AHR: variants seen among roughly 807,000 people sequenced by gnomAD.
The protein encoded by AHR is aryl hydrocarbon receptor.
Under a neutral mutation model 86.8 loss-of-function variants are expected in AHR, and 40 were observed. That is an observed-to-expected ratio of 0.46 (90% CI 0.36 to 0.60). The LOEUF (loss-of-function observed/expected upper bound fraction) is 0.60. Among genes scored for constraint, AHR ranks in the 20% least tolerant of loss-of-function variants. The pLI, the probability that AHR is intolerant of heterozygous loss-of-function variation, is 0.00. For missense variants in AHR, 1,001 were observed against 1,011.6 expected, an observed-to-expected ratio of 0.99 and a Z score of 0.14; for synonymous variants, 398 against 354.9, an observed-to-expected ratio of 1.12 and a Z score of -1.37.
Position 17,340,135 on chromosome 7 carries a change from G to A in AHR, c.2310G>A (p.Ser770=), listed in dbSNP as rs373123275. The A allele has an allele frequency of 1.1e-4, 178 of 1,614,056 alleles. No homozygotes were observed. Among genetic ancestry groups the A allele is most frequent in the Non-Finnish European group, 1.3e-4 (157 of 1,180,038 alleles). The change falls in exon 10 of 11, where the codon TCG becomes TCA. Residue 770 remains serine, a synonymous_variant. Transcript: ENST00000242057. The part of the protein sequence containing the change: ...TPQTCYAGAV[S]MYQCQPEPQH... Reference sequence around the variant, plus strand: ...AGACATGTTATGCTGGGGCCGTGTCGATGTATCAGTGCCAGCCAGAACCTC... The same window carrying A: ...AGACATGTTATGCTGGGGCCGTGTCAATGTATCAGTGCCAGCCAGAACCTC...
chr7:17,326,201 C>T (rs1433432073), intron 3 of AHR, among the ~76,000 whole-genome samples: 1 of 151,972 alleles, frequency 6.6e-6, no homozygotes, highest in Non-Finnish European at 1.5e-5. Context: ...AGAAACCACT[C>T]AAATACATAA....
chr7:17,339,277 C>G lies in AHR; in HGVS notation c.1452C>G (p.Asn484Lys). The stretch of plus-strand genomic sequence containing the variant: ...CAAGTACTGCACCTTTTGAAAACAA[C>G]TTTTTCAACGAATCTATGAATGAAT... Reference protein sequence around the residue: ...STSSTAPFENNFFNESMNECR... With the variant: ...STSSTAPFENKFFNESMNECR... Residue 484 changes from asparagine to lysine, a missense_variant, in exon 10 of 11, where the codon AAC (asparagine) becomes AAG (lysine). This residue lies in a region of AHR where 607 missense variants were observed against 543.1 expected (regional missense o/e 1.12). Coordinates refer to ENST00000242057, the MANE Select transcript of AHR (RefSeq NM_001621.5). 6.2e-7 allele frequency: 1 copy of G among 1,614,160 alleles called. No homozygotes were observed. The highest frequency in any genetic ancestry group is 1.3e-5 in the African/African-American group (1 of 75,046).
chr7:17,305,742 A>G (rs1781999065), intron 1 of AHR, among the ~76,000 whole-genome samples: 1 of 152,220 alleles, frequency 6.6e-6, no homozygotes, highest in South Asian at 2.1e-4. Context: ...TTGAGGTTTT[A>G]TAATGAATAT....
chr7:17,330,960 A>C (rs1442962777), intron 6 of AHR, 74 bp downstream of exon 6: 2 of 1,507,684 alleles, frequency 1.3e-6, no homozygotes, highest in East Asian at 4.5e-5. Context: ...TTAATTTAGC[A>C]AAATATAATT....
chr7:17,329,929 T>C (rs1458980059), intron 4 of AHR, 23 bp from the exon 5 acceptor site: 4 of 1,591,140 alleles, frequency 2.5e-6, no homozygotes, highest in African/African-American at 2.7e-5. Context: ...TTTTGTTGTA[T>C]TCCTTGTATC....
chr7:17,323,177 A>C (rs1782192280), intron 3 of AHR, among the ~76,000 whole-genome samples: 1 of 152,140 alleles, frequency 6.6e-6, no homozygotes, highest in South Asian at 2.1e-4. Context: ...TTCAAACAGC[A>C]AGAACTCCTA....
In AHR at chr7:17,339,492, T is replaced by A. The variant is rs1782394822; in HGVS notation, c.1667T>A (p.Met556Lys). 6.2e-7 allele frequency: 1 copy of A among 1,613,946 alleles called. No homozygotes were observed. The highest frequency in any genetic ancestry group is 1.7e-5 in the Admixed American group (1 of 59,968). ...LGIDFEDIRH[M>K]QNEKFFRNDF... ...ATTGATTTTGAAGACATCAGACACA[T>A]GCAGAATGAAAAATTTTTCAGAAAT... The change falls in exon 10 of 11, where the codon ATG becomes AAG. Residue 556 changes from methionine to lysine, a missense_variant. By Grantham distance (95) the Met-to-Lys change is moderately conservative. Transcript: ENST00000242057.
rs749401415 is a variant in AHR at position 17,338,971 on chromosome 7, T to G, written c.1161-15T>G. The stretch of plus-strand genomic sequence containing the variant: ...ATAGAATTTTTTTCTAAGACTTTTT[T>G]GTACACAATTTTAGAGATGAGGAAG... On this transcript the variant is annotated splice_polypyrimidine_tract_variant and intron_variant, in intron 9 of 10. Transcript: ENST00000242057. The G allele has an allele frequency of 1.7e-4, 265 of 1,540,718 alleles. No homozygotes were observed. The highest frequency in any genetic ancestry group is 2.2e-4 in the Non-Finnish European group (256 of 1,144,918).
chr7:17,322,424 G>T, intron 2 of AHR, 77 bp from the exon 3 acceptor site: 1 of 867,976 alleles, frequency 1.2e-6, no homozygotes, highest in Non-Finnish European at 1.8e-6. Flanking sequence ...GTCTTTGTTT[G>T]GTGTTCAGAA....
chr7:17,312,999 G>T (rs1782081327), intron 2 of AHR, among the ~76,000 whole-genome samples: 1 of 152,108 alleles, frequency 6.6e-6, no homozygotes, highest in Non-Finnish European at 1.5e-5. Flanking sequence ...AATGACAAAT[G>T]CAAACATACA....
chr7:17,337,686 A>G (rs912147824), intron 9 of AHR, among the ~76,000 whole-genome samples: 1 of 150,400 alleles, frequency 6.6e-6, no homozygotes, highest in Non-Finnish European at 1.5e-5. Flanking sequence ...CGTTTTAGCC[A>G]GGATGGTCTC....
rs1203068759 is a variant in AHR, at chr7:17,343,237, A to T, written c.*173A>T. 6.6e-6 allele frequency: 5 copies of T among 761,932 alleles called. No homozygotes were observed. The highest frequency in any genetic ancestry group is 8.6e-6 in the Non-Finnish European group (4 of 464,192). 47.2% of individuals were successfully genotyped at this position (761,932 alleles called of 1,614,324 possible). A position where few individuals can be genotyped will look rare whatever the true frequency, so the allele number is the denominator to read the frequency against. On this transcript the variant is annotated 3_prime_UTR_variant, in exon 11 of 11. Coordinates refer to ENST00000242057, the MANE Select transcript of AHR (RefSeq NM_001621.5). ...TTTTTGCTTTTAGAAAAGGGAGTTT[A>T]AAAATGGTATCAAAATTACATATAC...
rs1231748729 is a variant in AHR, at chr7:17,310,536, C to CT, written c.253+428dup. ...CTCCAAACTTACGTATATTTCTAATCTTTTTTTTTTTTTTTGAGGCAGACT... is the reference window on the plus strand; with the variant it reads ...CTCCAAACTTACGTATATTTCTAATCTTTTTTTTTTTTTTTTGAGGCAGACT... On this transcript the variant is annotated intron_variant, in intron 2 of 10. Transcript: ENST00000242057. 9.7e-3 allele frequency among the ~76,000 whole-genome samples: 1,363 copies of CT among 141,114 alleles called. 18 individuals carry two copies. The highest frequency in any genetic ancestry group is 0.026 in the African/African-American group (1,013 of 38,804). The allele number at this position is 141,114 out of a possible 152,430, so 92.6% of individuals were successfully genotyped here. A position where few individuals can be genotyped will look rare whatever the true frequency, so the allele number is the denominator to read the frequency against.
intron 1 of AHR, among the ~76,000 whole-genome samples, chr7:17,306,332 C>T (rs962790381): frequency 1.3e-5 from 2 of 152,126 alleles, no homozygotes; most frequent in Admixed American, 6.6e-5. Flanking sequence ...AAAATCTGTA[C>T]ATTTCTCACA....
At chr7:17,336,829 A>T (rs1782359012) in intron 9 of AHR, among the ~76,000 whole-genome samples, 1 of 151,992 alleles carries the variant, frequency 6.6e-6, no homozygotes, top group Non-Finnish European at 1.5e-5. Flanking sequence ...AGATTTTATT[A>T]GTCTTTATTA....
At chr7:17,328,694 A>G (rs1472233783) in intron 4 of AHR, among the ~76,000 whole-genome samples, 5 of 151,946 alleles carry the variant, frequency 3.3e-5, no homozygotes, top group Admixed American at 2.6e-4. Flanking sequence ...TAACAGTTAT[A>G]TAGACTAGAG....
rs1782444824 is a variant in AHR at position 17,343,196 on chromosome 7, C to A, written c.*132C>A. On this transcript the variant is annotated 3_prime_UTR_variant, in exon 11 of 11. Coordinates refer to ENST00000242057, the MANE Select transcript of AHR (RefSeq NM_001621.5). ...TTGATGCATGCTATTCACAATTATT[C>A]CAAACCAAATTTTAATTTTTGCTTT... 4 of 1,108,734 alleles carry A rather than the reference C, an allele frequency of 3.6e-6. No individual in the cohort carries two copies. In the African/African-American group the frequency reaches 6.4e-5, roughly 18 times the overall value. The allele number at this position is 1,108,734 out of a possible 1,614,324, so 68.7% of individuals were successfully genotyped here.
intron 1 of AHR, 91 bp from the exon 2 acceptor site, chr7:17,309,845 G>T: frequency 9.0e-7 from 1 of 1,111,334 alleles, no homozygotes. Flanking sequence ...TGTTGTGTTA[G>T]AGAAATATTT....
At chr7:17,329,833 T>C in intron 4 of AHR, 119 bp from the exon 5 acceptor site, 1 of 863,970 alleles carries the variant, frequency 1.2e-6, no homozygotes, top group African/African-American at 1.7e-5. Context: ...TTAGGAATCA[T>C]TCAATTCGTA....
Sources: allele counts gnomAD v4.1 joint callset (sites outside exome capture counted in the v4.1 genomes callset), GRCh38; gene constraint gnomAD v4.1.1; regional missense constraint gnomAD v4.1.1; transcripts MANE v1.5; gene names NCBI Gene and HGNC (gene_info 2026-07-23, HGNC 2026-07-21).